Variants in CDH23 observed in about 807,000 individuals in gnomAD.
CDH23 encodes the protein cadherin-23.
In CDH23, 189 loss-of-function variants were observed where a neutral mutation model predicts 317.1. The ratio of observed to expected loss-of-function variants is 0.60; its 90% CI spans 0.53 to 0.67. CDH23 has a LOEUF of 0.67. CDH23 is among the 30% of genes least tolerant of loss of function. The pLI, the probability that CDH23 is intolerant of heterozygous loss-of-function variation, is 0.00. For missense variants in CDH23, 4,401 were observed against 4,592.4 expected, an observed-to-expected ratio of 0.96 and a Z score of 1.20; for synonymous variants, 1,839 against 1,876.8, an observed-to-expected ratio of 0.98 and a Z score of 0.52.
intron 46 of CDH23, chr10:71,790,725 C>T (rs949833961): frequency 2.1e-5 from 10 of 474,416 alleles, no homozygotes; most frequent in Admixed American, 6.8e-5. Context: ...GCCCCTAGTC[C>T]AGCAGAAGTA....
Position 71,732,133 on chromosome 10 carries a change from C to A in CDH23, c.3862C>A (p.Gln1288Lys), listed in dbSNP as rs1204040319. The A allele has an allele frequency of 6.2e-7, 1 of 1,614,022 alleles. No homozygotes were observed. Among genetic ancestry groups the A allele is most frequent in the Non-Finnish European group, 8.5e-7 (1 of 1,179,892 alleles). The change falls in exon 32 of 70, where the codon CAG (glutamine) becomes AAG (lysine). Residue 1288 changes from glutamine to lysine, a missense_variant. This residue lies in a region of CDH23 where 3,068 missense variants were observed against 3,203.3 expected (regional missense o/e 0.96). Transcript: ENST00000224721. The stretch of plus-strand genomic sequence containing the variant: ...CATGATGAATGTGTCGGCCACTGAC[C>A]AGGCCCCGCCCTTCAACCAGGGCTT... ...SYMMNVSATD[Q>K]APPFNQGFCS...
rs555441978 is a variant in CDH23 at position 71,687,922 on chromosome 10, C to T, written c.2059+203C>T. Among the ~76,000 whole-genome samples, 4 of 152,350 alleles carry T rather than the reference C, an allele frequency of 2.6e-5. No homozygotes were observed. The South Asian group carries it at 8.3e-4, about 32-fold the overall frequency. Reference sequence around the variant, plus strand: ...CAGCTAACAGCTAGTTCCAGAGCACCTGCTATGTGCAGGTGCTGTGCTGGG... The same window carrying T: ...CAGCTAACAGCTAGTTCCAGAGCACTTGCTATGTGCAGGTGCTGTGCTGGG... On this transcript the variant is annotated intron_variant, in intron 19 of 69. Coordinates refer to ENST00000224721, the MANE Select transcript of CDH23 (RefSeq NM_022124.6).
chr10:71,519,482 A>C (rs1340679801), intron 6 of CDH23, among the ~76,000 whole-genome samples: 1 of 152,240 alleles, frequency 6.6e-6, no homozygotes, highest in African/African-American at 2.4e-5. Context: ...TAGGAAACCA[A>C]GGGTCTAGAA....
intron 14 of CDH23, among the ~76,000 whole-genome samples, chr10:71,651,879 G>C (rs571430236): frequency 4.5e-4 from 69 of 152,306 alleles, no homozygotes; most frequent in African/African-American, 1.5e-3. Flanking sequence ...TTGCAGCATG[G>C]GGCACGTGTC....
intron 3 of CDH23, among the ~76,000 whole-genome samples, chr10:71,473,672 A>G (rs561222710): frequency 1.2e-3 from 178 of 152,376 alleles, no homozygotes; most frequent in African/African-American, 4.0e-3. Context: ...ATCATCAAAT[A>G]CATGTGAAAA....
At chr10:71,769,276 TG>T (rs1381413013) in intron 38 of CDH23, among the ~76,000 whole-genome samples, 1 of 152,248 alleles carries the variant, frequency 6.6e-6, no homozygotes, top group Non-Finnish European at 1.5e-5. Context: ...TTTAATTTTT[TG>T]CAAGGGAAAG....
At chr10:71,705,877 G>T (rs951879394) in intron 25 of CDH23, among the ~76,000 whole-genome samples, 5 of 152,118 alleles carry the variant, frequency 3.3e-5, no homozygotes, top group African/African-American at 1.2e-4. Flanking sequence ...GATGGTAGGG[G>T]GCGGGGGAGG....
At chr10:71,494,697 C>G (rs1489360471) in intron 3 of CDH23, among the ~76,000 whole-genome samples, 2 of 152,202 alleles carry the variant, frequency 1.3e-5, no homozygotes, top group Admixed American at 1.3e-4. Context: ...GAGACATTCT[C>G]AGACTTGTGC....
intron 18 of CDH23, 91 bp downstream of exon 18, chr10:71,682,663 A>G: frequency 6.7e-7 from 1 of 1,500,884 alleles, no homozygotes; most frequent in Non-Finnish European, 9.1e-7. Context: ...TGTGGCCCCC[A>G]CCTCCTTGGC....
intron 3 of CDH23, among the ~76,000 whole-genome samples, chr10:71,455,694 A>T (rs1277659392): frequency 6.6e-6 from 1 of 152,224 alleles, no homozygotes; most frequent in African/African-American, 2.4e-5. Flanking sequence ...CTAAGGAAGA[A>T]GAACCATCTT....
At chr10:71,524,212 C>T (rs1854882930) in intron 6 of CDH23, among the ~76,000 whole-genome samples, 1 of 152,216 alleles carries the variant, frequency 6.6e-6, no homozygotes, top group African/African-American at 2.4e-5. Context: ...GGGGCAGGGA[C>T]ATGTGGCTTT....
chr10:71,712,618 CCT>C (rs1564749096), intron 27 of CDH23, 45 bp from the exon 28 acceptor site: 3 of 1,604,528 alleles, frequency 1.9e-6, no homozygotes, highest in East Asian at 2.2e-5. Context: ...GAAGTGTGCC[CCT>C]CTCTCAGGCA....
At chr10:71,419,481 GC>G in intron 1 of CDH23, among the ~76,000 whole-genome samples, 1 of 152,264 alleles carries the variant, frequency 6.6e-6, no homozygotes, top group African/African-American at 2.4e-5. Context: ...TAGGAAAAGG[GC>G]ACTGGAGGGA....
At chr10:71,398,217 T>G (rs943255041) in intron 1 of CDH23, among the ~76,000 whole-genome samples, 1 of 152,224 alleles carries the variant, frequency 6.6e-6, no homozygotes, top group African/African-American at 2.4e-5. Flanking sequence ...CCAGCCCTAG[T>G]GCTGTCAGCG....
At position 71,751,632 on chromosome 10, in the gene CDH23, C is replaced by T; in HGVS notation, c.4845+9711C>T. ...TGCAGGCCATGAGGTCATGACCTTA[C>T]AGGTCATCGTGCTGTGAAGGTCAGG... On this transcript the variant is annotated intron_variant, in intron 38 of 69. Coordinates refer to ENST00000224721, the MANE Select transcript of CDH23 (RefSeq NM_022124.6). The surrounding 1 kb of genome is among the most constrained non-coding windows in gnomAD (Gnocchi z 4.9). 5.3e-6 allele frequency: 8 copies of T among 1,504,870 alleles called. No homozygotes were observed. Among genetic ancestry groups the T allele is most frequent in the Non-Finnish European group, 7.1e-6 (8 of 1,124,204 alleles). 93.2% of individuals were successfully genotyped at this position (1,504,870 alleles called of 1,614,324 possible). A position where few individuals can be genotyped will look rare whatever the true frequency, so the allele number is the denominator to read the frequency against.
intron 8 of CDH23, among the ~76,000 whole-genome samples, chr10:71,574,880 A>C (rs187644520): frequency 1.3e-5 from 2 of 152,114 alleles, no homozygotes; most frequent in Non-Finnish European, 2.9e-5. Flanking sequence ...TGCCTCCTCC[A>C]GAGAGCAAAG....
chr10:71,814,697 T>C (rs1401231485), intron 69 of CDH23, among the ~76,000 whole-genome samples: 1 of 117,222 alleles, frequency 8.5e-6, no homozygotes, highest in African/African-American at 3.4e-5. Flanking sequence ...CACACACAAT[T>C]TTCACAAGAA....
rs561741442 is a variant in CDH23 at position 71,599,192 on chromosome 10, T to C, written c.833-16312T>C. Among the ~76,000 whole-genome samples the C allele has an allele frequency of 1.6e-3, 251 of 152,344 alleles. 1 individual carries two copies. Among genetic ancestry groups the C allele is most frequent in the South Asian group, 0.012 (57 of 4,828 alleles). On this transcript the variant is annotated intron_variant, in intron 9 of 69. Coordinates refer to ENST00000224721, the MANE Select transcript of CDH23 (RefSeq NM_022124.6). ...TTGTTGACATTTTGCCATATTTGCT[T>C]TGGATCTTTTTTGCTCTTCTTTTTG...
chr10:71,777,914 T>C lies in CDH23; in HGVS notation c.5067+13T>C, dbSNP rs763782450. ...CGACAGACACATGGTCAGCAGCTGA[T>C]GGCAGGATCAAGACAAGGGGCGAAA... is the stretch of plus-strand genomic sequence containing the variant. On this transcript the variant is annotated intron_variant, in intron 39 of 69. Transcript: ENST00000224721. 9.9e-6 allele frequency: 16 copies of C among 1,613,652 alleles called. No homozygotes were observed. The highest frequency in any genetic ancestry group is 1.6e-4 in the Middle Eastern group (1 of 6,062).
Sources: allele counts gnomAD v4.1 joint callset (sites outside exome capture counted in the v4.1 genomes callset), GRCh38; gene constraint gnomAD v4.1.1; regional missense constraint gnomAD v4.1.1; non-coding constraint Gnocchi (gnomAD v3.1); transcripts MANE v1.5; gene names NCBI Gene and HGNC (gene_info 2026-07-23, HGNC 2026-07-21).